The following CSMD1 variants were observed in gnomAD, a reference collection of about 807,000 sequenced individuals.
The protein encoded by CSMD1 is CUB and sushi domain-containing protein 1.
In CSMD1, 213 loss-of-function variants were observed where a neutral mutation model predicts 417.5. The observed-to-expected ratio is 0.51, with a 90% confidence interval of 0.46 to 0.57. The LOEUF (loss-of-function observed/expected upper bound fraction) is 0.57, where lower values mean the gene tolerates loss of function less well. CSMD1 is among the 20% of genes least tolerant of loss of function. CSMD1 has a pLI of 0.00. For missense variants in CSMD1, 6,923 were observed against 4,529.7 expected (o/e 1.53, Z -15.17); for synonymous variants, 2,862 against 1,736.8 (o/e 1.65, Z -16.11).
At chr8:4,179,931 G>A (rs1229151223) in intron 3 of CSMD1, among the ~76,000 whole-genome samples, 3 of 152,232 alleles carry the variant, frequency 2.0e-5, no homozygotes, top group African/African-American at 4.8e-5. Flanking sequence ...GGAAACAAAA[G>A]GTGCTGGAGA....
At chr8:4,752,336 C>T (rs1461478283) in intron 1 of CSMD1, among the ~76,000 whole-genome samples, 1 of 152,138 alleles carries the variant, frequency 6.6e-6, no homozygotes, top group Admixed American at 6.5e-5. Context: ...ATGTATTTCT[C>T]TGTGAGCAAT....
chr8:4,099,456 G>A (rs889501106), intron 3 of CSMD1, among the ~76,000 whole-genome samples: 4 of 151,970 alleles, frequency 2.6e-5, no homozygotes, highest in African/African-American at 9.7e-5. Context: ...CCATTCCTAA[G>A]CCTCCAACAA....
chr8:3,432,719 T>C (rs950942603), intron 12 of CSMD1, among the ~76,000 whole-genome samples: 5 of 152,138 alleles, frequency 3.3e-5, no homozygotes, highest in African/African-American at 1.2e-4. Flanking sequence ...TTTCACCATG[T>C]TGGCCAGGAT....
chr8:4,747,179 G>T (rs189175949), intron 1 of CSMD1, among the ~76,000 whole-genome samples: 347 of 152,304 alleles, frequency 2.3e-3, no homozygotes, highest in African/African-American at 8.1e-3. Flanking sequence ...GAGGAAAGGA[G>T]TCCTTGTTTT....
chr8:4,052,514 C>G (rs1054454076), intron 3 of CSMD1, among the ~76,000 whole-genome samples: 3 of 152,154 alleles, frequency 2.0e-5, no homozygotes, highest in African/African-American at 7.2e-5. Context: ...TCAGCATCTC[C>G]AAATTTAGTT....
intron 11 of CSMD1, 67 bp from the exon 12 acceptor site, chr8:3,468,891 G>T: frequency 3.7e-6 from 4 of 1,074,062 alleles, no homozygotes; most frequent in Non-Finnish European, 5.5e-6. Flanking sequence ...CACCTGAAAG[G>T]AGGGTCTTGC....
Position 4,860,576 on chromosome 8 carries a change from A to C in CSMD1, c.85+133756T>G, listed in dbSNP as rs1802072021. On this transcript the variant is annotated intron_variant, in intron 1 of 69. Transcript: ENST00000635120. ...CCATGCTTTCTGTACAGCCTGCAGA[A>C]TCATGAGCCAATTAAAACTCTCTTC... Among the ~76,000 whole-genome samples, 3 of 152,084 alleles carry C rather than the reference A, an allele frequency of 2.0e-5. No homozygotes were observed. In the South Asian group the frequency reaches 6.2e-4, roughly 31 times the overall value.
chr8:3,871,538 T>G (rs748600007), intron 5 of CSMD1, among the ~76,000 whole-genome samples: 39 of 152,282 alleles, frequency 2.6e-4, no homozygotes, highest in Non-Finnish European at 4.9e-4. Context: ...TGATTTTAAT[T>G]TTTCTTAGTC....
intron 3 of CSMD1, among the ~76,000 whole-genome samples, chr8:4,072,823 C>A (rs926160633): frequency 6.6e-6 from 1 of 152,136 alleles, no homozygotes; most frequent in Non-Finnish European, 1.5e-5. Flanking sequence ...CAAGGCAGCC[C>A]AAAAGCCGTC....
chr8:3,594,714 T>C (rs559728390), intron 8 of CSMD1, among the ~76,000 whole-genome samples: 1 of 152,276 alleles, frequency 6.6e-6, no homozygotes, highest in African/African-American at 2.4e-5. Context: ...CATCTCAGGT[T>C]TAGTCTCAGG....
chr8:4,113,740 T>C lies in CSMD1; in HGVS notation c.416-81641A>G, dbSNP rs563924965. On this transcript the variant is annotated intron_variant, in intron 3 of 69. Coordinates refer to ENST00000635120, the MANE Select transcript of CSMD1 (RefSeq NM_033225.6). ...TATAAGTGCATGAATGAGAAGAAAA[T>C]GAAACAGCCTTATTGGTGAGATGGA... is the stretch of plus-strand genomic sequence containing the variant. 3.3e-4 allele frequency among the ~76,000 whole-genome samples: 50 copies of C among 152,208 alleles called. 2 individuals are homozygous for C. In the South Asian group the frequency reaches 9.1e-3, roughly 28 times the overall value.
At position 3,810,059 on chromosome 8, in the gene CSMD1, A is replaced by T. The variant is rs548943547; in HGVS notation, c.819-56017T>A. On this transcript the variant is annotated intron_variant, in intron 5 of 69. Transcript: ENST00000635120. ...CTGTAGTCCTCTGTCACACCTACATATTTTTATTATCATGCTTGTCACATT... is the reference window on the plus strand; with the variant it reads ...CTGTAGTCCTCTGTCACACCTACATTTTTTTATTATCATGCTTGTCACATT... 5.9e-5 allele frequency among the ~76,000 whole-genome samples: 9 copies of T among 152,164 alleles called. No individual in the cohort carries two copies. In the South Asian group the frequency reaches 1.9e-3, roughly 32 times the overall value.
rs139412087 is a variant in CSMD1 at position 4,269,289 on chromosome 8, C to T, written c.415+150664G>A. On this transcript the variant is annotated intron_variant, in intron 3 of 69. Coordinates refer to ENST00000635120, the MANE Select transcript of CSMD1 (RefSeq NM_033225.6). ...CCAGGCTGGTCTTGAACCTCCAACT[C>T]TTGATCTCAGGTGATCCACCCGCAC... 7.3e-3 allele frequency among the ~76,000 whole-genome samples: 1,117 copies of T among 152,198 alleles called. 10 individuals carry two copies. The highest frequency in any genetic ancestry group is 0.026 in the African/African-American group (1,060 of 41,520).
rs144151391 is a variant in CSMD1, at chr8:4,115,372, G to A, written c.416-83273C>T. Among the ~76,000 whole-genome samples, 178 of 152,276 alleles carry A rather than the reference G, an allele frequency of 1.2e-3. 2 individuals are homozygous for A. In the East Asian group the frequency reaches 0.02, roughly 18 times the overall value. ...TGTTGCATAAAGGTTACACTACTGT[G>A]TACACATAATTTTCATATGCACTAA... On this transcript the variant is annotated intron_variant, in intron 3 of 69. Transcript: ENST00000635120.
chr8:4,566,823 T>A, intron 2 of CSMD1, among the ~76,000 whole-genome samples: 1 of 152,186 alleles, frequency 6.6e-6, no homozygotes, highest in Non-Finnish European at 1.5e-5. Context: ...CAAAGTTATC[T>A]GGGCCTTACT....
intron 5 of CSMD1, among the ~76,000 whole-genome samples, chr8:3,885,904 T>G (rs1485824775): frequency 6.6e-6 from 1 of 152,192 alleles, no homozygotes; most frequent in Admixed American, 6.5e-5. Flanking sequence ...TAAAGTTTGT[T>G]GTTAATCTGT....
chr8:4,292,047 G>A (rs1402958458), intron 3 of CSMD1, among the ~76,000 whole-genome samples: 1 of 152,082 alleles, frequency 6.6e-6, no homozygotes, highest in Admixed American at 6.6e-5. Flanking sequence ...AATAATGGAG[G>A]TTTGGACACT....
intron 46 of CSMD1, among the ~76,000 whole-genome samples, chr8:3,098,595 C>A (rs1815502581): frequency 1.3e-5 from 2 of 152,114 alleles, no homozygotes; most frequent in Non-Finnish European, 2.9e-5. Context: ...TCAGAACACA[C>A]AGATTGAAAC....
intron 5 of CSMD1, among the ~76,000 whole-genome samples, chr8:3,805,207 G>C (rs1800663328): frequency 6.6e-6 from 1 of 152,130 alleles, no homozygotes; most frequent in African/African-American, 2.4e-5. Context: ...ACAAGGGAAG[G>C]AGTCAGTTTC....
Sources: allele counts gnomAD v4.1 joint callset (sites outside exome capture counted in the v4.1 genomes callset), GRCh38; gene constraint gnomAD v4.1.1; transcripts MANE v1.5; gene names NCBI Gene and HGNC (gene_info 2026-07-23, HGNC 2026-07-21).